Variants in SEC24D observed in about 807,000 individuals in gnomAD.
The protein encoded by SEC24D is SEC24 homolog D, COPII component, also known as protein transport protein Sec24D.
SEC24D carries 69 observed loss-of-function variants against 116.9 expected under a neutral mutation model. That is an observed-to-expected ratio of 0.59 (90% confidence interval 0.49 to 0.72). The LOEUF is 0.72. SEC24D is among the 30% of genes least tolerant of loss of function. The probability of loss-of-function intolerance (pLI) is 0.00; values close to 1 mark genes in which losing one functional copy is unlikely to be tolerated. For synonymous variants in SEC24D, 405 were observed against 442.8 expected (o/e 0.91, Z 1.07); for missense variants, 1,131 against 1,264.1 (o/e 0.89, Z 1.60).
intron 3 of SEC24D, among the ~76,000 whole-genome samples, chr4:118,819,778 G>A (rs1309088963): frequency 1.3e-5 from 2 of 151,994 alleles, no homozygotes; most frequent in Non-Finnish European, 2.9e-5. Context: ...ATCATTTTTT[G>A]TTTTTACAAT....
chr4:118,788,206 C>T (rs141417381), intron 8 of SEC24D, among the ~76,000 whole-genome samples: 40 of 152,230 alleles, frequency 2.6e-4, no homozygotes, highest in African/African-American at 7.9e-4. Flanking sequence ...GGTTGGGTTG[C>T]GAAATTTGTT....
intron 6 of SEC24D, among the ~76,000 whole-genome samples, chr4:118,810,004 A>T (rs1729835307): frequency 6.6e-6 from 1 of 151,414 alleles, no homozygotes; most frequent in Non-Finnish European, 1.5e-5. Flanking sequence ...CTGCCAAGGA[A>T]CAACAAAGAG....
intron 12 of SEC24D, 60 bp from the exon 13 acceptor site, chr4:118,752,149 G>A: frequency 3.7e-6 from 4 of 1,089,226 alleles, no homozygotes; most frequent in Non-Finnish European, 5.6e-6. Flanking sequence ...TAAACTTCAA[G>A]CAATAAATCA....
chr4:118,725,758 T>C (rs1453717518), intron 22 of SEC24D, among the ~76,000 whole-genome samples: 1 of 152,096 alleles, frequency 6.6e-6, no homozygotes, highest in African/African-American at 2.4e-5. Flanking sequence ...GTGATTAATA[T>C]CCTATCCTAC....
intron 8 of SEC24D, among the ~76,000 whole-genome samples, chr4:118,788,556 A>G (rs1728752024): frequency 6.6e-6 from 1 of 152,238 alleles, no homozygotes; most frequent in South Asian, 2.1e-4. Flanking sequence ...TCTCTCATTA[A>G]TATGTGATAG....
chr4:118,730,453 T>C (rs1158240489), intron 21 of SEC24D: 1 of 152,234 alleles, frequency 6.6e-6, no homozygotes, highest in African/African-American at 2.4e-5. Flanking sequence ...TTCTGCAAGA[T>C]GCTATATATA....
Position 118,817,418 on chromosome 4 carries a change from A to G in SEC24D, c.249-6T>C. 1 of 1,602,052 alleles carries G rather than the reference A, an allele frequency of 6.2e-7. No individual in the cohort carries two copies. Among genetic ancestry groups the G allele is most frequent in the Non-Finnish European group, 8.5e-7 (1 of 1,175,524 alleles). On this transcript the variant is annotated splice_polypyrimidine_tract_variant and splice_region_variant and intron_variant, in intron 3 of 22. Transcript: ENST00000280551. ...CAGGTGGAGGGCCTGGAAATCTGAG[A>G]GAGGAAAACAGGATGTCAAACAATA...
Position 118,824,715 on chromosome 4 carries a change from G to A in SEC24D, c.153C>T (p.Thr51=), listed in dbSNP as rs141446866. Residue 51 remains threonine (T), a synonymous_variant, in exon 3 of 23, where the codon ACC becomes ACT. Coordinates refer to ENST00000280551, the MANE Select transcript of SEC24D (RefSeq NM_014822.4). ...MMKPAGPLGA[T]ATRGMLPPGP... is the part of the protein sequence containing the mutation. ...CCGGAGGCAACATTCCCCTAGTGGC[G>A]GTGGCCCCCAAAGGCCCTGCTGGCT... The A allele has an allele frequency of 1.8e-5, 29 of 1,606,098 alleles. No homozygotes were observed. The African/African-American group carries it at 3.0e-4, about 16-fold the overall frequency.
At chr4:118,748,144 T>C (rs1347395339) in intron 13 of SEC24D, among the ~76,000 whole-genome samples, 1 of 152,074 alleles carries the variant, frequency 6.6e-6, no homozygotes, top group Non-Finnish European at 1.5e-5. Flanking sequence ...CACACATCTA[T>C]AGTCCCAGCT....
chr4:118,750,385 T>G (rs1313035775), intron 13 of SEC24D, among the ~76,000 whole-genome samples: 1 of 152,248 alleles, frequency 6.6e-6, no homozygotes, highest in Non-Finnish European at 1.5e-5. Context: ...TGTTGTAAGA[T>G]AGCATTGCTC....
chr4:118,797,871 T>G, intron 7 of SEC24D, 61 bp from the exon 8 acceptor site: 1 of 1,359,994 alleles, frequency 7.4e-7, no homozygotes, highest in Admixed American at 2.2e-5. Context: ...CCTAAGATAT[T>G]CAAATATTTA....
At chr4:118,724,899 C>G (rs150461906) in intron 22 of SEC24D, among the ~76,000 whole-genome samples, 2 of 152,174 alleles carry the variant, frequency 1.3e-5, no homozygotes, top group Admixed American at 1.3e-4. Flanking sequence ...GGAGGTAAAC[C>G]CACCAGAAAG....
intron 8 of SEC24D, among the ~76,000 whole-genome samples, chr4:118,777,334 C>A (rs1352274683): frequency 6.6e-6 from 1 of 152,122 alleles, no homozygotes; most frequent in African/African-American, 2.4e-5. Flanking sequence ...TCTCATTGTT[C>A]AATTCCCAAC....
Position 118,764,688 on chromosome 4 carries a change from T to C in SEC24D, c.1296+114A>G, listed in dbSNP as rs1727552045. On this transcript the variant is annotated intron_variant, in intron 10 of 22. Coordinates refer to ENST00000280551, the MANE Select transcript of SEC24D (RefSeq NM_014822.4). The stretch of plus-strand genomic sequence containing the variant: ...TGTCTTAGGCATTTCTACCACTCCA[T>C]GGTACCACCAAAATGCTTTGTTTGT... 4.8e-6 allele frequency: 3 copies of C among 623,480 alleles called. No homozygotes were observed. In the South Asian group the frequency reaches 7.0e-5, roughly 15 times the overall value. 38.6% of individuals were successfully genotyped at this position (623,480 alleles called of 1,614,324 possible).
intron 19 of SEC24D, chr4:118,736,129 C>T (rs1402470166): frequency 6.8e-6 from 1 of 147,874 alleles, no homozygotes; most frequent in Non-Finnish European, 1.5e-5. Flanking sequence ...CCTCAGCCTC[C>T]TAAGTAACTG....
In SEC24D at chr4:118,815,714, G is replaced by T; in HGVS notation, c.410C>A (p.Ala137Asp). 6.2e-7 allele frequency: 1 copy of T among 1,613,884 alleles called. No individual in the cohort carries two copies. Among genetic ancestry groups the T allele is most frequent in the South Asian group, 1.1e-5 (1 of 91,080 alleles). Reference protein sequence around the residue: ...MQINSYGSGMAPPSQGPPGPL... With the variant: ...MQINSYGSGMDPPSQGPPGPL... ...GCCAGGGGGTCCCTGGCTTGGAGGA[G>T]CCATGCCTGAACCTGTGTGAGAAAG... Residue 137 changes from alanine (A) to aspartate (D), a missense_variant, in exon 5 of 23, where the codon GCT (alanine) becomes GAT (aspartate). Ala to Asp is a moderately radical substitution (Grantham distance 126). Transcript: ENST00000280551.
At chr4:118,738,102 C>CACA in intron 19 of SEC24D, 159 bp downstream of exon 19, 1 of 525,316 alleles carries the variant, frequency 1.9e-6, no homozygotes, top group Non-Finnish European at 3.4e-6. Flanking sequence ...AAAAAAAAAC[C>CACA]ACAGCCCCCC....
At chr4:118,826,528 A>G (rs1435847255) in intron 2 of SEC24D, among the ~76,000 whole-genome samples, 1 of 152,228 alleles carries the variant, frequency 6.6e-6, no homozygotes, top group Non-Finnish European at 1.5e-5. Flanking sequence ...TTTGGACAAA[A>G]GTAGGCAATT....
chr4:118,817,709 C>G (rs946866444), intron 3 of SEC24D, among the ~76,000 whole-genome samples: 6 of 152,028 alleles, frequency 3.9e-5, no homozygotes, highest in Non-Finnish European at 5.9e-5. Flanking sequence ...AGAGCCTTAT[C>G]TATACTAAAG....
Sources: allele counts gnomAD v4.1 joint callset (sites outside exome capture counted in the v4.1 genomes callset), GRCh38; gene constraint gnomAD v4.1.1; transcripts MANE v1.5; gene names NCBI Gene and HGNC (gene_info 2026-07-23, HGNC 2026-07-21).